RNF121: variants seen among roughly 807,000 people sequenced by gnomAD.
RNF121 encodes ring finger protein 121.
RNF121 carries 21 observed loss-of-function variants against 46.5 expected under a neutral mutation model. The observed-to-expected ratio is 0.45, with a 90% CI of 0.32 to 0.65. The LOEUF is 0.65. Ranked by LOEUF, RNF121 falls within the 30% of genes least tolerant of loss-of-function variation. The pLI is 0.04. For missense variants in RNF121, 346 were observed against 416.0 expected, an observed-to-expected ratio of 0.83 and a Z score of 1.46; for synonymous variants, 139 against 144.7, an observed-to-expected ratio of 0.96 and a Z score of 0.28.
In RNF121 at chr11:71,990,638, T is replaced by C. The variant is rs1161244827; in HGVS notation, c.548T>C (p.Leu183Pro). 1 of 1,614,052 alleles carries C rather than the reference T, an allele frequency of 6.2e-7. No homozygotes were observed. Among genetic ancestry groups the C allele is most frequent in the African/African-American group, 1.3e-5 (1 of 74,916 alleles). Residue 183 changes from leucine (L) to proline (P), a missense_variant, in exon 6 of 9, where the codon CTC (leucine) becomes CCC (proline). By Grantham distance (98) the Leu-to-Pro change is moderately conservative. Transcript: ENST00000361756. ...EDAMDFGISLLFYGLYYGVLE... is the reference protein window; with the variant it reads ...EDAMDFGISLPFYGLYYGVLE... ...GCCATGGACTTTGGCATCTCCCTTC[T>C]CTTCTATGGCCTCTACTATGGAGTT...
intron 1 of RNF121, among the ~76,000 whole-genome samples, chr11:71,944,961 AG>A (rs1214693083): frequency 8.0e-4 from 122 of 151,596 alleles, no homozygotes; most frequent in Non-Finnish European, 1.5e-4. Context: ...GGATTATGTT[AG>A]TATTTCTCTT....
intron 4 of RNF121, among the ~76,000 whole-genome samples, chr11:71,984,570 G>A (rs1048336720): frequency 4.7e-5 from 7 of 148,664 alleles, no homozygotes; most frequent in African/African-American, 1.7e-4. Flanking sequence ...ATGAGCCACC[G>A]TGCCTGGCCA....
chr11:71,943,666 A>G (rs887991318), intron 1 of RNF121, among the ~76,000 whole-genome samples: 8 of 152,222 alleles, frequency 5.3e-5, no homozygotes, highest in Admixed American at 3.9e-4. Context: ...AATAATTGCT[A>G]TAATATGAAG....
At chr11:71,990,486 C>G (rs2276383) in intron 5 of RNF121, 111 bp from the exon 6 acceptor site, 2 of 1,392,332 alleles carry the variant, frequency 1.4e-6, no homozygotes, top group East Asian at 2.3e-5. Context: ...CGCACTTGCT[C>G]TAGCCTTTGG....
At chr11:71,936,069 C>G (rs939243325) in intron 1 of RNF121, among the ~76,000 whole-genome samples, 1 of 151,494 alleles carries the variant, frequency 6.6e-6, no homozygotes, top group African/African-American at 2.4e-5. Context: ...GGACGGTCTC[C>G]ATCTCCTGAC....
chr11:71,977,591 G>A (rs1022303745), intron 3 of RNF121, among the ~76,000 whole-genome samples: 3 of 152,186 alleles, frequency 2.0e-5, no homozygotes, highest in Admixed American at 6.5e-5. Context: ...TTTGCTGAAC[G>A]AATCCATGAG....
chr11:71,957,361 G>C (rs1954011391), intron 2 of RNF121, 97 bp downstream of exon 2: 2 of 820,624 alleles, frequency 2.4e-6, no homozygotes, highest in Admixed American at 3.4e-5. Context: ...TTGTCAGTAG[G>C]AGGCAGTGGC....
At chr11:71,969,290 A>G (rs1354448730) in intron 3 of RNF121, among the ~76,000 whole-genome samples, 1 of 152,208 alleles carries the variant, frequency 6.6e-6, no homozygotes, top group East Asian at 1.9e-4. Flanking sequence ...ATATATTCAC[A>G]TAATGGAATA....
intron 1 of RNF121, among the ~76,000 whole-genome samples, chr11:71,940,141 A>G (rs372675094): frequency 6.6e-6 from 1 of 152,248 alleles, no homozygotes; most frequent in Non-Finnish European, 1.5e-5. Flanking sequence ...CCTTGAGCAT[A>G]TGATTCCTCA....
chr11:71,949,364 T>G (rs1953807541), intron 1 of RNF121, among the ~76,000 whole-genome samples: 2 of 152,102 alleles, frequency 1.3e-5, no homozygotes, highest in African/African-American at 4.8e-5. Flanking sequence ...ACTGCAGTGA[T>G]CTGTGATTGC....
At chr11:71,949,510 T>A (rs1440559894) in intron 1 of RNF121, among the ~76,000 whole-genome samples, 2 of 150,046 alleles carry the variant, frequency 1.3e-5, no homozygotes, top group African/African-American at 4.9e-5. Context: ...AGGTCAGGAG[T>A]TCAAGACCAA....
chr11:71,980,347 A>G (rs1235511358), intron 3 of RNF121, among the ~76,000 whole-genome samples: 1 of 34,112 alleles, frequency 2.9e-5, no homozygotes, highest in Non-Finnish European at 4.8e-5. Context: ...CTGTAAAATG[A>G]CACTTTTTTT....
At position 71,994,817 on chromosome 11, in the gene RNF121, C is replaced by T; in HGVS notation, c.726C>T (p.Ile242=). The T allele has an allele frequency of 2.5e-6, 4 of 1,614,168 alleles. 1 individual carries two copies. The highest frequency in any genetic ancestry group is 2.2e-5 in the South Asian group (2 of 91,082). ...TTGTGGACGTCAGTGAAGAGGGGATCATTGAGAACACGTATAGGCTGTCCT... is the reference window on the plus strand; with the variant it reads ...TTGTGGACGTCAGTGAAGAGGGGATTATTGAGAACACGTATAGGCTGTCCT... ...QIFVDVSEEG[I]IENTYRLSCN... The change falls in exon 7 of 9, where the codon ATC becomes ATT. Residue 242 remains isoleucine, a synonymous_variant. Coordinates refer to ENST00000361756, the MANE Select transcript of RNF121 (RefSeq NM_018320.5).
At chr11:71,983,053 CA>C in intron 4 of RNF121, 138 bp downstream of exon 4, 1 of 684,478 alleles carries the variant, frequency 1.5e-6, no homozygotes. Flanking sequence ...CTCTCTAAAA[CA>C]AGCTGATTGG....
chr11:71,980,729 G>A (rs1031008086), intron 3 of RNF121, among the ~76,000 whole-genome samples: 1 of 152,166 alleles, frequency 6.6e-6, no homozygotes, highest in African/African-American at 2.4e-5. Context: ...GCTCTAAGCT[G>A]CACTACCTAT....
chr11:71,958,564 C>T (rs1288271685), intron 2 of RNF121, among the ~76,000 whole-genome samples: 1 of 151,798 alleles, frequency 6.6e-6, no homozygotes, highest in East Asian at 1.9e-4. Context: ...CATTTATAAG[C>T]AAATATTAGT....
In RNF121 at chr11:71,976,637, C is replaced by T. The variant is rs574619132; in HGVS notation, c.244-6124C>T. Among the ~76,000 whole-genome samples, 21 of 152,178 alleles carry T rather than the reference C, an allele frequency of 1.4e-4. No individual in the cohort carries two copies. In the South Asian group the frequency reaches 2.9e-3, roughly 21 times the overall value. Reference sequence around the variant, plus strand: ...CCTCCCAAAGTGCTGGGGTTACAGGCGTGAGCCACGGCACCTGGCCCATTC... The same window carrying T: ...CCTCCCAAAGTGCTGGGGTTACAGGTGTGAGCCACGGCACCTGGCCCATTC... On this transcript the variant is annotated intron_variant, in intron 3 of 8. Transcript: ENST00000361756.
intron 1 of RNF121, among the ~76,000 whole-genome samples, chr11:71,931,988 AC>A (rs983658016): frequency 6.6e-6 from 1 of 152,122 alleles, no homozygotes; most frequent in Non-Finnish European, 1.5e-5. Context: ...AGGATATTAT[AC>A]CTATGTTTTC....
intron 1 of RNF121, among the ~76,000 whole-genome samples, chr11:71,950,517 G>A (rs1486002559): frequency 6.6e-6 from 1 of 151,716 alleles, no homozygotes; most frequent in Non-Finnish European, 1.5e-5. Flanking sequence ...CCAGGAGGTG[G>A]AGGTTGCAGT....
Sources: gnomAD v4.1 joint callset for allele counts (sites outside exome capture counted in the v4.1 genomes callset) on GRCh38, gnomAD v4.1.1 for gene constraint, MANE v1.5 for transcripts, NCBI Gene and HGNC (gene_info 2026-07-23, HGNC 2026-07-21) for gene names.